RERE: variants seen among roughly 807,000 people sequenced by gnomAD.
The protein encoded by RERE is arginine-glutamic acid dipeptide repeats, also known as arginine-glutamic acid dipeptide repeats protein.
In RERE, 40 loss-of-function variants were observed where a neutral mutation model predicts 146.1. The observed-to-expected ratio is 0.27, with a 90% CI of 0.21 to 0.36. RERE has a LOEUF of 0.36. Among genes scored for constraint, RERE ranks in the 10% least tolerant of loss-of-function variants. The pLI is 1.00. For missense variants in RERE, 1,933 were observed against 2,138.7 expected (o/e 0.90, Z 1.90); for synonymous variants, 1,003 against 866.0 (o/e 1.16, Z -2.78).
At chr1:8,743,073 A>G (rs1640343320) in intron 1 of RERE, among the ~76,000 whole-genome samples, 1 of 151,948 alleles carries the variant, frequency 6.6e-6, no homozygotes. Flanking sequence ...TTTATTACAC[A>G]CTTGTTTAAA....
chr1:8,812,601 G>A (rs145063636), intron 1 of RERE, among the ~76,000 whole-genome samples: 99 of 152,218 alleles, frequency 6.5e-4, no homozygotes, highest in African/African-American at 1.8e-3. Context: ...AGCCGAGATC[G>A]TGCCATCGCA....
intron 12 of RERE, among the ~76,000 whole-genome samples, chr1:8,389,149 A>G (rs1438439613): frequency 1.3e-5 from 2 of 152,216 alleles, no homozygotes; most frequent in Non-Finnish European, 2.9e-5. Context: ...AATTATCAAA[A>G]TCAGTCTAAA....
chr1:8,605,770 A>C (rs1363225866), intron 4 of RERE, among the ~76,000 whole-genome samples: 1 of 145,188 alleles, frequency 6.9e-6, no homozygotes, highest in East Asian at 2.0e-4. Flanking sequence ...AAAAAAAAAA[A>C]ACCCCTAAAA....
chr1:8,541,259 C>T lies in RERE; in HGVS notation c.785G>A (p.Arg262Gln), dbSNP rs1237479426. The change falls in exon 7 of 23, where the codon CGA becomes CAA. Residue 262 changes from arginine to glutamine, a missense_variant. By Grantham distance (43) the Arg-to-Gln change is conservative (BLOSUM62 1). Around this residue, in one of 11 missense-constraint regions of RERE, gnomAD observed 6 missense variants for 33.9 expected, o/e 0.18. Coordinates refer to ENST00000400908, the MANE Select transcript of RERE (RefSeq NM_001042681.2). Reference protein sequence around the residue: ...DIFAAREFKARVDSFFYILGY... With the variant: ...DIFAAREFKAQVDSFFYILGY... ...TAATATGTAGAAAAATGAATCCACT[C>T]GGGCTTTAAACTCTCTAGCAGCAAA... The T allele has an allele frequency of 5.0e-6, 8 of 1,611,672 alleles. No homozygotes were observed. Among genetic ancestry groups the T allele is most frequent in the Non-Finnish European group, 5.9e-6 (7 of 1,178,310 alleles).
chr1:8,816,455 A>T (rs1359016158), intron 1 of RERE, among the ~76,000 whole-genome samples: 1 of 152,216 alleles, frequency 6.6e-6, no homozygotes, highest in Non-Finnish European at 1.5e-5. Context: ...ACAATTCAAC[A>T]ATGAATCATT....
At chr1:8,501,123 G>A (rs549183447) in intron 8 of RERE, among the ~76,000 whole-genome samples, 1 of 147,286 alleles carries the variant, frequency 6.8e-6, no homozygotes, top group Non-Finnish European at 1.5e-5. Context: ...GGGAAGTGAG[G>A]AGCCCCTCTG....
Position 8,756,959 on chromosome 1 carries a change from T to C in RERE, c.-145+60201A>G, listed in dbSNP as rs374960218. Reference sequence around the variant, plus strand: ...ACAAAAAATTAGTCAGGCATGGTAGTGCATGCCTGTAATCCCAGCTACTTG... The same window carrying C: ...ACAAAAAATTAGTCAGGCATGGTAGCGCATGCCTGTAATCCCAGCTACTTG... On this transcript the variant is annotated intron_variant, in intron 1 of 22. Transcript: ENST00000400908. Among the ~76,000 whole-genome samples, 3 of 151,986 alleles carry C rather than the reference T, an allele frequency of 2.0e-5. No individual in the cohort carries two copies. The South Asian group carries it at 6.2e-4, about 32-fold the overall frequency.
At chr1:8,590,247 G>A (rs2124096840) in intron 4 of RERE, among the ~76,000 whole-genome samples, 1 of 152,162 alleles carries the variant, frequency 6.6e-6, no homozygotes, top group Admixed American at 6.5e-5. Context: ...AGGAAAAGGG[G>A]TGGGGCCTGA....
rs546730098 is a variant in RERE, at chr1:8,539,815, C to T, written c.830+1399G>A. The stretch of plus-strand genomic sequence containing the variant: ...GCTTCTGATGCTGTCTAGAAAATAG[C>T]ATCCAATATTGAGAGGAAGAGAGGG... On this transcript the variant is annotated intron_variant, in intron 7 of 22. Transcript: ENST00000400908. 3.3e-5 allele frequency among the ~76,000 whole-genome samples: 5 copies of T among 152,192 alleles called. No individual in the cohort carries two copies. The South Asian group carries it at 1.0e-3, about 32-fold the overall frequency.
intron 1 of RERE, among the ~76,000 whole-genome samples, chr1:8,728,476 A>AC (rs113051387): frequency 3.3e-5 from 5 of 151,552 alleles, no homozygotes; most frequent in East Asian, 1.9e-4. Flanking sequence ...AAAAAAAAAA[A>AC]CCCTATTGAA....
intron 12 of RERE, among the ~76,000 whole-genome samples, chr1:8,382,468 G>A (rs1308451681): frequency 6.6e-6 from 1 of 152,278 alleles, no homozygotes; most frequent in Non-Finnish European, 1.5e-5. Context: ...ATGAGAGAGC[G>A]CGCATGCTGG....
rs35763675 is a variant in RERE at position 8,743,426 on chromosome 1, ATT to A, written c.-145+73732_-145+73733del. Among the ~76,000 whole-genome samples, 475 of 122,944 alleles carry A rather than the reference ATT, an allele frequency of 3.9e-3. 1 individual carries two copies. The highest frequency in any genetic ancestry group is 7.8e-3 in the African/African-American group (251 of 32,050). 80.7% of individuals were successfully genotyped at this position (122,944 alleles called of 152,430 possible). A position where few individuals can be genotyped will look rare whatever the true frequency, so the allele number is the denominator to read the frequency against. On this transcript the variant is annotated intron_variant, in intron 1 of 22. Transcript: ENST00000400908. Reference sequence around the variant, plus strand: ...CCCGAGTAGCTGGGACTACAGGCTAATTTTTTTTTTTTTTTTTTTTTAGTAGA... The same window carrying A: ...CCCGAGTAGCTGGGACTACAGGCTAATTTTTTTTTTTTTTTTTTTAGTAGA...
At chr1:8,643,345 AAAGAACATTT>A (rs1647206247) in intron 2 of RERE, among the ~76,000 whole-genome samples, 1 of 152,236 alleles carries the variant, frequency 6.6e-6, no homozygotes, top group Admixed American at 6.5e-5. Context: ...ACAGCCACCT[AAAGAACATTT>A]CTGTTTCCTC....
intron 2 of RERE, among the ~76,000 whole-genome samples, chr1:8,639,596 G>T (rs187573916): frequency 2.0e-5 from 3 of 152,278 alleles, no homozygotes; most frequent in Admixed American, 1.3e-4. Flanking sequence ...ATCTCCCCAA[G>T]TCTGAGTGCT....
In RERE at chr1:8,365,754, C is replaced by A. The variant is rs1300013204; in HGVS notation, c.1447+58G>T. ...CAGCTCCTACGGGCCCAGAGTGGGA[C>A]AGGCTGCCCGTGAACAGTCTCCCCT... is the stretch of plus-strand genomic sequence containing the variant. On this transcript the variant is annotated intron_variant, in intron 13 of 22. Transcript: ENST00000400908. 6.9e-6 allele frequency: 11 copies of A among 1,588,560 alleles called. No individual in the cohort carries two copies. The Admixed American group carries it at 1.7e-4, about 24-fold the overall frequency.
At chr1:8,765,950 CA>C (rs879901504) in intron 1 of RERE, among the ~76,000 whole-genome samples, 124 of 137,778 alleles carry the variant, frequency 9.0e-4, no homozygotes, top group Admixed American at 9.4e-4. Context: ...GACTCCGTCT[CA>C]AAAAAAAAAA....
chr1:8,770,058 G>C (rs1640915667), intron 1 of RERE, among the ~76,000 whole-genome samples: 2 of 152,134 alleles, frequency 1.3e-5, no homozygotes, highest in African/African-American at 4.8e-5. Flanking sequence ...CCAAAGTGCT[G>C]AGATAACAGG....
chr1:8,594,878 C>T (rs1185929558), intron 4 of RERE, among the ~76,000 whole-genome samples: 1 of 152,080 alleles, frequency 6.6e-6, no homozygotes, highest in Admixed American at 6.5e-5. Flanking sequence ...GCTGCGGGGG[C>T]CAGGCACAGT....
chr1:8,503,275 A>G (rs1460136243), intron 8 of RERE, among the ~76,000 whole-genome samples: 1 of 152,230 alleles, frequency 6.6e-6, no homozygotes, highest in East Asian at 1.9e-4. Context: ...ATTAGTTGCT[A>G]GTGTCAACAC....
Sources: allele counts gnomAD v4.1 joint callset (sites outside exome capture counted in the v4.1 genomes callset), GRCh38; gene constraint gnomAD v4.1.1; regional missense constraint gnomAD v4.1.1; transcripts MANE v1.5; gene names NCBI Gene and HGNC (gene_info 2026-07-23, HGNC 2026-07-21).